Variants in HEMK2 observed in about 807,000 individuals in gnomAD.
HEMK2 encodes methyltransferase HEMK2.
the HEMK2 span, among the ~76,000 whole-genome samples, chr21:28,635,236 G>A: frequency 1.3e-5 from 2 of 151,760 alleles, no homozygotes; most frequent in African/African-American, 4.8e-5. Context: ...CAAGCTAGCT[G>A]GCATTACGGG....
chr21:28,881,039 G>A, the HEMK2 span, among the ~76,000 whole-genome samples: 3 of 151,612 alleles, frequency 2.0e-5, no homozygotes, highest in Admixed American at 6.6e-5. Flanking sequence ...TCTACCTGGT[G>A]CATGCTATTA....
chr21:28,578,235 A>G, the HEMK2 span, among the ~76,000 whole-genome samples: 2 of 152,224 alleles, frequency 1.3e-5, no homozygotes, highest in African/African-American at 2.4e-5. Flanking sequence ...CTTTCAGCCA[A>G]TAACATAAAT....
At chr21:28,661,282 G>A in the HEMK2 span, among the ~76,000 whole-genome samples, 2 of 151,642 alleles carry the variant, frequency 1.3e-5, no homozygotes, top group Non-Finnish European at 2.9e-5. Context: ...TTCTTGAGCT[G>A]GACACATAAA....
chr21:28,797,497 C>T, the HEMK2 span, among the ~76,000 whole-genome samples: 1 of 136,660 alleles, frequency 7.3e-6, no homozygotes, highest in East Asian at 2.3e-4. Context: ...TGCCTGTGGT[C>T]CCAGCTGCTC....
chr21:28,621,527 G>C, the HEMK2 span, among the ~76,000 whole-genome samples: 1 of 152,160 alleles, frequency 6.6e-6, no homozygotes, highest in Non-Finnish European at 1.5e-5. Flanking sequence ...CAACATGGCT[G>C]TTTATTTCAC....
chr21:28,858,359 G>A, the HEMK2 span, among the ~76,000 whole-genome samples: 2 of 152,006 alleles, frequency 1.3e-5, no homozygotes, highest in Non-Finnish European at 2.9e-5. Flanking sequence ...TTCATTCTCT[G>A]CACCAGTTAT....
At chr21:28,723,945 G>A in the HEMK2 span, among the ~76,000 whole-genome samples, 12 of 152,206 alleles carry the variant, frequency 7.9e-5, no homozygotes, top group South Asian at 8.3e-4. Flanking sequence ...GAGTTATTCC[G>A]TAACTTTGAC....
At chr21:28,579,535 A>G in the HEMK2 span, among the ~76,000 whole-genome samples, 2 of 152,194 alleles carry the variant, frequency 1.3e-5, no homozygotes, top group African/African-American at 4.8e-5. Context: ...TGTCTTAGAA[A>G]AAGAAAATAA....
the HEMK2 span, among the ~76,000 whole-genome samples, chr21:28,681,744 C>T: frequency 6.6e-6 from 1 of 150,960 alleles, no homozygotes; most frequent in South Asian, 2.1e-4. Flanking sequence ...AGAAATAATG[C>T]CGCATATTTA....
chr21:28,640,458 T>C, the HEMK2 span, among the ~76,000 whole-genome samples: 118 of 152,312 alleles, frequency 7.7e-4, 2 homozygotes, highest in East Asian at 0.02. Flanking sequence ...TAATAATTCA[T>C]TGAGTTTGGG....
chr21:28,798,356 T>C, the HEMK2 span, among the ~76,000 whole-genome samples: 62 of 152,310 alleles, frequency 4.1e-4, no homozygotes, highest in East Asian at 0.011. Flanking sequence ...GGCAATTTAA[T>C]TGATCTCTCT....
the HEMK2 span, among the ~76,000 whole-genome samples, chr21:28,795,304 C>T: frequency 5.3e-5 from 8 of 152,120 alleles, no homozygotes; most frequent in African/African-American, 1.2e-4. Flanking sequence ...GAGGAACTTG[C>T]CCCAATATCA....
At chr21:28,730,841 C>A in the HEMK2 span, among the ~76,000 whole-genome samples, 1 of 152,060 alleles carries the variant, frequency 6.6e-6, no homozygotes, top group South Asian at 2.1e-4. Flanking sequence ...GTCACTAAGT[C>A]CAGCCACATT....
the HEMK2 span, among the ~76,000 whole-genome samples, chr21:28,580,157 T>C: frequency 1.3e-5 from 2 of 152,180 alleles, no homozygotes; most frequent in Non-Finnish European, 2.9e-5. Flanking sequence ...CTTACGTAAC[T>C]GAGCTGGTGG....
the HEMK2 span, among the ~76,000 whole-genome samples, chr21:28,864,015 G>A: frequency 1.3e-5 from 2 of 152,054 alleles, no homozygotes; most frequent in Non-Finnish European, 2.9e-5. Flanking sequence ...TTTTTTAGTA[G>A]AGGCAGGGTT....
chr21:28,721,329 G>A, the HEMK2 span, among the ~76,000 whole-genome samples: 1 of 151,898 alleles, frequency 6.6e-6, no homozygotes, highest in Non-Finnish European at 1.5e-5. Flanking sequence ...TTCCCAGGCT[G>A]GTCTCGAACT....
the HEMK2 span, among the ~76,000 whole-genome samples, chr21:28,614,571 G>A: frequency 2.0e-5 from 3 of 152,030 alleles, no homozygotes; most frequent in Admixed American, 1.3e-4. Context: ...CATTTTCTTG[G>A]GCTCTACGGC....
the HEMK2 span, among the ~76,000 whole-genome samples, chr21:28,850,354 A>G: frequency 6.6e-6 from 1 of 150,990 alleles, no homozygotes. Context: ...CCTCCCGAGT[A>G]GCTGGGACTA....
the HEMK2 span, among the ~76,000 whole-genome samples, chr21:28,868,475 C>T: frequency 6.6e-6 from 1 of 152,050 alleles, no homozygotes. Context: ...TGAGCTCAGG[C>T]GTTCAAGACC....
Sources: allele counts gnomAD v4.1 joint callset (sites outside exome capture counted in the v4.1 genomes callset), GRCh38; gene constraint gnomAD v4.1.1; transcripts MANE v1.5; gene names NCBI Gene and HGNC (gene_info 2026-07-23, HGNC 2026-07-21).